CAMTA1: variants seen among roughly 807,000 people sequenced by gnomAD.
CAMTA1 encodes calmodulin binding transcription activator 1.
Under a neutral mutation model 170.9 loss-of-function variants are expected in CAMTA1, and 27 were observed. That is an observed-to-expected ratio of 0.16 (90% CI 0.12 to 0.22). The LOEUF (loss-of-function observed/expected upper bound fraction) is 0.22, where lower values mean the gene tolerates loss of function less well. Among genes scored for constraint, CAMTA1 ranks in the 10% least tolerant of loss-of-function variants. CAMTA1 has a pLI of 1.00. For synonymous variants in CAMTA1, 833 were observed against 891.5 expected, an observed-to-expected ratio of 0.93 and a Z score of 1.17; for missense variants, 1,619 against 2,217.2, an observed-to-expected ratio of 0.73 and a Z score of 5.42.
chr1:7,359,606 C>G (rs1489304901), intron 5 of CAMTA1, among the ~76,000 whole-genome samples: 1 of 152,198 alleles, frequency 6.6e-6, no homozygotes, highest in East Asian at 1.9e-4. Flanking sequence ...GTGTTTCACT[C>G]TTTTGTAGCA....
intron 3 of CAMTA1, among the ~76,000 whole-genome samples, chr1:6,962,954 G>T (rs555765650): frequency 6.8e-6 from 1 of 146,698 alleles, no homozygotes; most frequent in East Asian, 2.1e-4. Flanking sequence ...TTGGGGCCCC[G>T]CCCTCATTTG....
intron 4 of CAMTA1, among the ~76,000 whole-genome samples, chr1:7,137,826 T>C (rs1645628678): frequency 1.3e-5 from 2 of 152,014 alleles, no homozygotes; most frequent in African/African-American, 4.8e-5. Flanking sequence ...CCACATCCCT[T>C]CTCTCCATCT....
Position 7,665,183 on chromosome 1 carries a change from A to G in CAMTA1, c.2636A>G (p.Glu879Gly). Reference sequence around the variant, plus strand: ...TTCATGGTGACCGACTACTCCCCAGAGTGGTCTTACCCAGAGGTAAGCTGC... The same window carrying G: ...TTCATGGTGACCGACTACTCCCCAGGGTGGTCTTACCCAGAGGTAAGCTGC... ...RVFMVTDYSP[E>G]WSYPEGGVKV... is the part of the protein sequence containing the mutation. The change falls in exon 9 of 23, where the codon GAG becomes GGG. Residue 879 changes from glutamate (E) to glycine (G), a missense_variant. Transcript: ENST00000303635. This position sits in a 1 kb window ranked among gnomAD's most constrained non-coding sequence, Gnocchi z 4.3. The G allele has an allele frequency of 1.3e-6, 2 of 1,483,678 alleles. No individual in the cohort carries two copies. The highest frequency in any genetic ancestry group is 2.8e-5 in the South Asian group (2 of 71,322). The allele number at this position is 1,483,678 out of a possible 1,614,324, so 91.9% of individuals were successfully genotyped here.
intron 10 of CAMTA1, 123 bp from the exon 11 acceptor site, chr1:7,677,476 T>G (rs757518675): frequency 5.4e-5 from 61 of 1,136,276 alleles, no homozygotes; most frequent in Non-Finnish European, 7.4e-5. Flanking sequence ...AGGCTACCAT[T>G]AAGGAGAGCT....
intron 3 of CAMTA1, among the ~76,000 whole-genome samples, chr1:6,996,577 C>T (rs1697284541): frequency 6.6e-6 from 1 of 152,080 alleles, no homozygotes; most frequent in Admixed American, 6.6e-5. Context: ...CTGTGGTTAA[C>T]CCAAGCTCTC....
rs531106712 is a variant in CAMTA1 at position 7,434,189 on chromosome 1, G to A, written c.439-33641G>A. 7.6e-4 allele frequency among the ~76,000 whole-genome samples: 115 copies of A among 152,146 alleles called. 1 individual carries two copies. Among genetic ancestry groups the A allele is most frequent in the Non-Finnish European group, 1.5e-3 (100 of 68,028 alleles). On this transcript the variant is annotated intron_variant, in intron 5 of 22. Coordinates refer to ENST00000303635, the MANE Select transcript of CAMTA1 (RefSeq NM_015215.4). ...GAAAGGAGGAGGCTGGCCCTCTGCT[G>A]CTCTGAGCATTTGCAGAACTCTCTG...
At chr1:7,332,154 C>T (rs1054479327) in intron 5 of CAMTA1, among the ~76,000 whole-genome samples, 1 of 152,162 alleles carries the variant, frequency 6.6e-6, no homozygotes, top group African/African-American at 2.4e-5. Context: ...TGTGGGGCCT[C>T]TGAGGGGGCC....
chr1:7,187,920 A>G (rs1224908672), intron 4 of CAMTA1, among the ~76,000 whole-genome samples: 1 of 152,216 alleles, frequency 6.6e-6, no homozygotes, highest in East Asian at 1.9e-4. Context: ...TCACACTGCT[A>G]TAAAGAAATA....
intron 5 of CAMTA1, among the ~76,000 whole-genome samples, chr1:7,357,554 A>G (rs2085215051): frequency 6.6e-6 from 1 of 152,126 alleles, no homozygotes; most frequent in Admixed American, 6.5e-5. Context: ...CATTTAATAC[A>G]TGTGAGAGGG....
chr1:7,140,490 C>G (rs1028154608), intron 4 of CAMTA1, among the ~76,000 whole-genome samples: 4 of 152,120 alleles, frequency 2.6e-5, no homozygotes, highest in African/African-American at 9.7e-5. Flanking sequence ...GACTGCTTTT[C>G]TGCTTTAGCA....
chr1:6,810,861 T>C (rs1233756330), intron 1 of CAMTA1, among the ~76,000 whole-genome samples: 1 of 152,146 alleles, frequency 6.6e-6, no homozygotes, highest in Non-Finnish European at 1.5e-5. Context: ...ATCATAAAGT[T>C]TGTCCTCCAC....
intron 3 of CAMTA1, among the ~76,000 whole-genome samples, chr1:6,888,903 A>AG (rs778274023): frequency 1.4e-4 from 22 of 152,040 alleles, no homozygotes; most frequent in Non-Finnish European, 2.6e-4. Context: ...CCTCAAGGTG[A>AG]GTTTATTTGT....
intron 6 of CAMTA1, among the ~76,000 whole-genome samples, chr1:7,607,816 A>G (rs2095497811): frequency 6.6e-6 from 1 of 152,236 alleles, no homozygotes; most frequent in Non-Finnish European, 1.5e-5. Context: ...AGAAAACAAA[A>G]TCATAGTAGA....
At position 7,737,418 on chromosome 1, in the gene CAMTA1, A is replaced by G. The variant is rs563782509; in HGVS notation, c.3506A>G (p.Asp1169Gly). Reference protein sequence around the residue: ...LAECLEHLQRDEQAQLGQNPR... With the variant: ...LAECLEHLQRGEQAQLGQNPR... ...GAGTGTCTGGAGCACCTGCAGAGAG[A>G]TGAGCAGGCTCAGCTGGGACAGAAC... is the stretch of plus-strand genomic sequence containing the variant. Residue 1169 changes from aspartate to glycine, a missense_variant, in exon 15 of 23, where the codon GAT becomes GGT. By Grantham distance (94) the Asp-to-Gly change is moderately conservative. This residue lies in a region of CAMTA1 where 370 missense variants were observed against 429.4 expected (regional missense o/e 0.86). Coordinates refer to ENST00000303635, the MANE Select transcript of CAMTA1 (RefSeq NM_015215.4). 1 of 1,614,122 alleles carries G rather than the reference A, an allele frequency of 6.2e-7. No homozygotes were observed. Among genetic ancestry groups the G allele is most frequent in the South Asian group, 1.1e-5 (1 of 91,086 alleles).
chr1:6,921,283 G>A (rs2149323200), intron 3 of CAMTA1, among the ~76,000 whole-genome samples: 1 of 150,602 alleles, frequency 6.6e-6, no homozygotes, highest in South Asian at 2.1e-4. Context: ...GCCACTCTTT[G>A]CTAAAACTTA....
intron 5 of CAMTA1, among the ~76,000 whole-genome samples, chr1:7,449,001 A>G (rs1173558038): frequency 6.6e-6 from 1 of 152,246 alleles, no homozygotes; most frequent in Non-Finnish European, 1.5e-5. Flanking sequence ...AAAACAAACA[A>G]TAACCTGTCG....
At chr1:6,849,666 G>A (rs1659623644) in intron 3 of CAMTA1, among the ~76,000 whole-genome samples, 1 of 151,620 alleles carries the variant, frequency 6.6e-6, no homozygotes, top group Non-Finnish European at 1.5e-5. Flanking sequence ...ATATGATAAA[G>A]GTACAGTTTT....
At chr1:7,596,144 G>A (rs536891627) in intron 6 of CAMTA1, among the ~76,000 whole-genome samples, 1 of 152,364 alleles carries the variant, frequency 6.6e-6, no homozygotes, top group Non-Finnish European at 1.5e-5. Flanking sequence ...GCCTGCAGAT[G>A]AGGGTGGGAG....
intron 3 of CAMTA1, among the ~76,000 whole-genome samples, chr1:6,943,846 C>CAAAAAAAAAAA (rs1198830005): frequency 1.9e-5 from 1 of 51,700 alleles, no homozygotes; most frequent in African/African-American, 7.5e-5. Context: ...GACTCTGTCT[C>CAAAAAAAAAAA]AAAAAAAAAA....
Sources: allele counts gnomAD v4.1 joint callset (sites outside exome capture counted in the v4.1 genomes callset), GRCh38; gene constraint gnomAD v4.1.1; regional missense constraint gnomAD v4.1.1; non-coding constraint Gnocchi (gnomAD v3.1); transcripts MANE v1.5; gene names NCBI Gene and HGNC (gene_info 2026-07-23, HGNC 2026-07-21).